The following GAL3ST2 variants were observed in gnomAD, a reference collection of about 807,000 sequenced individuals.
GAL3ST2 encodes galactose-3-O-sulfotransferase 2, also known as beta-galactose-3-O-sulfotransferase 2.
A neutral mutation model predicts 12.9 loss-of-function variants in GAL3ST2; 16 were observed. That is an observed-to-expected ratio of 1.24 (90% CI 0.84 to 1.88). The LOEUF (loss-of-function observed/expected upper bound fraction) is 1.88, where lower values mean the gene tolerates loss of function less well. Ranked by LOEUF, GAL3ST2 falls within the 40% of genes most tolerant of loss-of-function variation. GAL3ST2 has a pLI of 0.00. For missense variants in GAL3ST2, 639 were observed against 571.8 expected (o/e 1.12, Z -1.20); for synonymous variants, 302 against 273.9 (o/e 1.10, Z -1.01).
rs1310157890 is a variant in GAL3ST2 at position 241,793,524 on chromosome 2, ATTGTG to A, written c.30-5538_30-5534del. On this transcript the variant is annotated intron_variant, in intron 1 of 3. Transcript: ENST00000192314. This position sits in a 1 kb window ranked among gnomAD's most constrained non-coding sequence, Gnocchi z 4.7. ...TATGTGTGTGTATATGTATGTGTGT[ATTGTG>A]TTTATATGTATGTGTGTATATGTAT... Among the ~76,000 whole-genome samples the A allele has an allele frequency of 2.9e-5, 4 of 138,304 alleles. No homozygotes were observed. The highest frequency in any genetic ancestry group is 1.2e-4 in the African/African-American group (4 of 32,028). The allele number at this position is 138,304 out of a possible 152,430, so 90.7% of individuals were successfully genotyped here.
At chr2:241,779,864 T>C (rs1331717192) in intron 1 of GAL3ST2, among the ~76,000 whole-genome samples, 1 of 151,754 alleles carries the variant, frequency 6.6e-6, no homozygotes, top group Non-Finnish European at 1.5e-5. Context: ...TGCATGCCTG[T>C]AATCCCAGTT....
At chr2:241,785,346 G>T (rs900503356) in intron 1 of GAL3ST2, among the ~76,000 whole-genome samples, 2 of 152,144 alleles carry the variant, frequency 1.3e-5, no homozygotes, top group Non-Finnish European at 2.9e-5. Context: ...GAGGTTAGGA[G>T]TTCGAGACCA....
chr2:241,793,612 T>C lies in GAL3ST2; in HGVS notation c.30-5453T>C, dbSNP rs796834072. 4.7e-5 allele frequency among the ~76,000 whole-genome samples: 6 copies of C among 127,562 alleles called. No individual in the cohort carries two copies. Among genetic ancestry groups the C allele is most frequent in the African/African-American group, 2.4e-4 (6 of 25,306 alleles). The allele number at this position is 127,562 out of a possible 152,430, so 83.7% of individuals were successfully genotyped here. On this transcript the variant is annotated intron_variant, in intron 1 of 3. Transcript: ENST00000192314. The surrounding 1 kb of genome is among the most constrained non-coding windows in gnomAD (Gnocchi z 4.7). Reference sequence around the variant, plus strand: ...ATGTATATGTGTATATGTGTGTGTATTGTGTGTGTACATATTGTGTTTGTG... The same window carrying C: ...ATGTATATGTGTATATGTGTGTGTACTGTGTGTGTACATATTGTGTTTGTG...
chr2:241,779,636 A>C (rs1699540420), intron 1 of GAL3ST2, among the ~76,000 whole-genome samples: 1 of 152,080 alleles, frequency 6.6e-6, no homozygotes, highest in Non-Finnish European at 1.5e-5. Context: ...GCAATCCTGG[A>C]AAATCGATAC....
At chr2:241,780,402 C>A (rs1319068664) in intron 1 of GAL3ST2, among the ~76,000 whole-genome samples, 1 of 152,110 alleles carries the variant, frequency 6.6e-6, no homozygotes, top group Non-Finnish European at 1.5e-5. Context: ...GCTTGTAATT[C>A]CAGCTACTCA....
Position 241,801,808 on chromosome 2 carries a change from GCCGGTCACCA to G in GAL3ST2, c.148_157del (p.Pro50ThrfsTer5), listed in dbSNP as rs1699852677. 6.2e-7 allele frequency: 1 copy of G among 1,612,608 alleles called. No homozygotes were observed. The highest frequency in any genetic ancestry group is 8.5e-7 in the Non-Finnish European group (1 of 1,179,922). On this transcript the variant is annotated frameshift_variant, in exon 3 of 4. Coordinates refer to ENST00000192314, the MANE Select transcript of GAL3ST2 (RefSeq NM_022134.3). LOFTEE classifies it high-confidence loss of function. This position sits in a 1 kb window ranked among gnomAD's most constrained non-coding sequence, Gnocchi z 4.4. Reference sequence around the variant, plus strand: ...TGTTTGGGGGCCAGGCTGAGGGGCCGCCGGTCACCAACATCATGTTCCTGAAGACGCACAA... The same window carrying G: ...TGTTTGGGGGCCAGGCTGAGGGGCCGACATCATGTTCCTGAAGACGCACAA...
chr2:241,803,523 G>C lies in GAL3ST2; in HGVS notation c.554G>C (p.Arg185Thr). The C allele has an allele frequency of 6.2e-7, 1 of 1,610,496 alleles. No homozygotes were observed. Residue 185 changes from arginine to threonine, a missense_variant, in exon 4 of 4, where the codon AGG becomes ACG. By Grantham distance (71) the Arg-to-Thr change is moderately conservative (BLOSUM62 -1). Coordinates refer to ENST00000192314, the MANE Select transcript of GAL3ST2 (RefSeq NM_022134.3). ...RTFYNDSRHL[R>T]NVYAKNNMWF... ...TTCTACAACGACAGCCGCCACCTCA[G>C]GAACGTCTACGCCAAGAACAACATG...
At chr2:241,778,664 T>C (rs7576068) in intron 1 of GAL3ST2, among the ~76,000 whole-genome samples, 84,340 of 151,788 alleles carry the variant, frequency 0.56, 26,697 homozygotes, top group African/African-American at 0.88. Flanking sequence ...GGTGAGGACG[T>C]GCACCCATGA....
At chr2:241,797,250 AT>A (rs1699783789) in intron 1 of GAL3ST2, among the ~76,000 whole-genome samples, 1 of 151,990 alleles carries the variant, frequency 6.6e-6, no homozygotes, top group Non-Finnish European at 1.5e-5. Context: ...ATTCTCCTTT[AT>A]CCTCTGACTT....
rs1475026087 is a variant in GAL3ST2, at chr2:241,801,556, G to A, written c.120-225G>A. 9 of 605,096 alleles carry A rather than the reference G, an allele frequency of 1.5e-5. No individual in the cohort carries two copies. The highest frequency in any genetic ancestry group is 2.0e-5 in the Non-Finnish European group (7 of 345,152). 37.5% of individuals were successfully genotyped at this position (605,096 alleles called of 1,614,324 possible). ...CAGGGTTGGGGGAGCATGGTTACGG[G>A]AGACAGTTGGGGGAGTTTGTGTTCG... is the stretch of plus-strand genomic sequence containing the variant. On this transcript the variant is annotated intron_variant, in intron 2 of 3. Coordinates refer to ENST00000192314, the MANE Select transcript of GAL3ST2 (RefSeq NM_022134.3). This position sits in a 1 kb window ranked among gnomAD's most constrained non-coding sequence, Gnocchi z 4.4.
rs759103236 is a variant in GAL3ST2 at position 241,802,075 on chromosome 2, CGT to C, written c.375+41_375+42del. On this transcript the variant is annotated intron_variant, in intron 3 of 3. Transcript: ENST00000192314. This position sits in a 1 kb window ranked among gnomAD's most constrained non-coding sequence, Gnocchi z 4.8. The stretch of plus-strand genomic sequence containing the variant: ...GCTGGGGAGGAGGGCGGGCTGCAGC[CGT>C]GCCTGTGGCTGTGGGTCTGGGTGGT... 2.6e-6 allele frequency: 4 copies of C among 1,562,802 alleles called. No homozygotes were observed. Among genetic ancestry groups the C allele is most frequent in the Non-Finnish European group, 3.5e-6 (4 of 1,153,782 alleles).
In GAL3ST2 at chr2:241,800,910, A is replaced by G. The variant is rs1699835034; in HGVS notation, c.120-871A>G. On this transcript the variant is annotated intron_variant, in intron 2 of 3. Coordinates refer to ENST00000192314, the MANE Select transcript of GAL3ST2 (RefSeq NM_022134.3). This position sits in a 1 kb window ranked among gnomAD's most constrained non-coding sequence, Gnocchi z 5.2. The stretch of plus-strand genomic sequence containing the variant: ...TGATAATGTAGCGTCTTATGGCCAC[A>G]GTCAGTTCTGCTGGGCCATGGTCTC... The G allele has an allele frequency of 6.6e-6, 1 of 152,174 alleles. No homozygotes were observed. The highest frequency in any genetic ancestry group is 6.5e-5 in the Admixed American group (1 of 15,268). The allele number at this position is 152,174 out of a possible 1,614,324, so 9.4% of individuals were successfully genotyped here.
At chr2:241,790,128 T>C (rs937072500) in intron 1 of GAL3ST2, among the ~76,000 whole-genome samples, 3 of 152,194 alleles carry the variant, frequency 2.0e-5, no homozygotes, top group South Asian at 4.1e-4. Context: ...ACATTTGTTG[T>C]CTTGTTTTGG....
chr2:241,777,107 C>A, intron 1 of GAL3ST2, 123 bp downstream of exon 1: 1 of 874,984 alleles, frequency 1.1e-6, no homozygotes, highest in South Asian at 3.5e-5. Flanking sequence ...GGAGGCTGTT[C>A]CTACTCAGGC....
intron 1 of GAL3ST2, among the ~76,000 whole-genome samples, chr2:241,779,202 C>T (rs1436380787): frequency 8.0e-6 from 1 of 124,570 alleles, no homozygotes; most frequent in Non-Finnish European, 1.6e-5. Context: ...TCCTGAGTTA[C>T]TAGGAAAGCT....
In GAL3ST2 at chr2:241,776,906, C is replaced by G. The variant is rs1386811186; in HGVS notation, c.-50C>G. 2 of 1,432,622 alleles carry G rather than the reference C, an allele frequency of 1.4e-6. No individual in the cohort carries two copies. The highest frequency in any genetic ancestry group is 1.5e-5 in the African/African-American group (1 of 68,624). The allele number at this position is 1,432,622 out of a possible 1,614,324, so 88.7% of individuals were successfully genotyped here. ...GGCAGGGGCCGAGGCGGTGGGACCT[C>G]GGGGGAGCTCAAGCCTCGACTGTCC... On this transcript the variant is annotated 5_prime_UTR_variant, in exon 1 of 4. Transcript: ENST00000192314.
In GAL3ST2 at chr2:241,795,350, G is replaced by A. The variant is rs1242497831; in HGVS notation, c.30-3715G>A. 6.6e-6 allele frequency among the ~76,000 whole-genome samples: 1 copy of A among 152,200 alleles called. No individual in the cohort carries two copies. The highest frequency in any genetic ancestry group is 1.5e-5 in the Non-Finnish European group (1 of 68,036). On this transcript the variant is annotated intron_variant, in intron 1 of 3. Transcript: ENST00000192314. The surrounding 1 kb of genome is among the most constrained non-coding windows in gnomAD (Gnocchi z 4.5). Reference sequence around the variant, plus strand: ...TAATTGGGCAGTTGCAAAGAACAGAGACAGATTCATGCTGCCGCAAGGCCA... The same window carrying A: ...TAATTGGGCAGTTGCAAAGAACAGAAACAGATTCATGCTGCCGCAAGGCCA...
intron 1 of GAL3ST2, among the ~76,000 whole-genome samples, chr2:241,797,907 C>G (rs1699792476): frequency 1.3e-5 from 2 of 152,194 alleles, no homozygotes; most frequent in African/African-American, 4.8e-5. Context: ...CCCCTTGTGT[C>G]CTCTCCAGAT....
At chr2:241,796,206 G>A (rs2125194985) in intron 1 of GAL3ST2, among the ~76,000 whole-genome samples, 2 of 152,280 alleles carry the variant, frequency 1.3e-5, no homozygotes, top group South Asian at 4.1e-4. Context: ...GACTCATGAG[G>A]GGTTCCGTCT....
Sources: gnomAD v4.1 joint callset for allele counts (sites outside exome capture counted in the v4.1 genomes callset) on GRCh38, gnomAD v4.1.1 for gene constraint, Gnocchi (gnomAD v3.1) non-coding constraint, MANE v1.5 for transcripts, NCBI Gene and HGNC (gene_info 2026-07-23, HGNC 2026-07-21) for gene names.